NCOA7: variants seen among roughly 807,000 people sequenced by gnomAD.
NCOA7 encodes 140 kDa estrogen receptor-associated protein.
In NCOA7, 45 loss-of-function variants were observed where a neutral mutation model predicts 104.3. The observed-to-expected ratio is 0.43, with a 90% CI of 0.34 to 0.55. NCOA7 has a LOEUF of 0.55. Among genes scored for constraint, NCOA7 ranks in the 20% least tolerant of loss-of-function variants. The pLI is 0.02. For synonymous variants in NCOA7, 398 were observed against 402.3 expected, an observed-to-expected ratio of 0.99 and a Z score of 0.13; for missense variants, 1,041 against 1,119.7, an observed-to-expected ratio of 0.93 and a Z score of 1.00.
At chr6:125,832,597 G>A (rs1016957893) in intron 2 of NCOA7, among the ~76,000 whole-genome samples, 2 of 152,232 alleles carry the variant, frequency 1.3e-5, no homozygotes, top group Non-Finnish European at 2.9e-5. Flanking sequence ...CAAATGATTG[G>A]TTTTAACTAG....
At chr6:125,896,511 C>T (rs1785030082) in intron 10 of NCOA7, among the ~76,000 whole-genome samples, 1 of 152,168 alleles carries the variant, frequency 6.6e-6, no homozygotes, top group Non-Finnish European at 1.5e-5. Context: ...GATTTTATGG[C>T]TGGGCGTGGT....
chr6:125,909,865 AG>A (rs1786367247), intron 10 of NCOA7, among the ~76,000 whole-genome samples: 1 of 152,156 alleles, frequency 6.6e-6, no homozygotes, highest in African/African-American at 2.4e-5. Flanking sequence ...GATTTGAGGG[AG>A]GATTCAAGGA....
chr6:125,896,067 T>C (rs182965697), intron 10 of NCOA7, among the ~76,000 whole-genome samples: 1 of 148,392 alleles, frequency 6.7e-6, no homozygotes, highest in East Asian at 1.9e-4. Flanking sequence ...ACATAATACA[T>C]ATATATATAT....
rs769760599 is a variant in NCOA7 at position 125,815,345 on chromosome 6, A to G, written c.-10A>G. ...CTTTTTCAAATACTTTGCACTTTTG[A>G]TTGTGTATTATGGATACCAAGGAAG... On this transcript the variant is annotated 5_prime_UTR_variant, in exon 2 of 16. Transcript: ENST00000392477. 1.9e-6 allele frequency: 3 copies of G among 1,598,254 alleles called. No individual in the cohort carries two copies. Among genetic ancestry groups the G allele is most frequent in the South Asian group, 1.1e-5 (1 of 86,986 alleles).
At chr6:125,837,920 A>G (rs1479211493) in intron 2 of NCOA7, among the ~76,000 whole-genome samples, 1 of 152,198 alleles carries the variant, frequency 6.6e-6, no homozygotes, top group African/African-American at 2.4e-5. Flanking sequence ...CTGATGCAGA[A>G]CTACTTCATG....
At chr6:125,824,866 C>A (rs1778519685) in intron 2 of NCOA7, among the ~76,000 whole-genome samples, 1 of 152,154 alleles carries the variant, frequency 6.6e-6, no homozygotes, top group South Asian at 2.1e-4. Flanking sequence ...TCACGCCATT[C>A]TCCTGCCTCA....
rs1788292722 is a variant in NCOA7, at chr6:125,929,022, A to G, written c.*251A>G. On this transcript the variant is annotated 3_prime_UTR_variant, in exon 16 of 16. Transcript: ENST00000392477. ...TTGTACTCCCACTTCCTCCAAATCC[A>G]TACAGTGAGGAATCAGAGTGTTTAT... The G allele has an allele frequency of 2.7e-6, 1 of 370,924 alleles. No individual in the cohort carries two copies. Among genetic ancestry groups the G allele is most frequent in the Non-Finnish European group, 4.8e-6 (1 of 208,212 alleles). The allele number at this position is 370,924 out of a possible 1,614,324, so 23.0% of individuals were successfully genotyped here. A position where few individuals can be genotyped will look rare whatever the true frequency, so the allele number is the denominator to read the frequency against.
intron 10 of NCOA7, among the ~76,000 whole-genome samples, chr6:125,903,577 A>G (rs1054803595): frequency 2.6e-5 from 4 of 152,148 alleles, no homozygotes; most frequent in African/African-American, 7.2e-5. Flanking sequence ...CCTACCATCT[A>G]TACTACTGTT....
chr6:125,855,926 T>A (rs1027563309), intron 3 of NCOA7, among the ~76,000 whole-genome samples: 2 of 152,002 alleles, frequency 1.3e-5, no homozygotes, highest in African/African-American at 2.4e-5. Context: ...CTCAGACACT[T>A]GAGAATCTTA....
chr6:125,848,525 T>C (rs1363325626), intron 2 of NCOA7, among the ~76,000 whole-genome samples: 1 of 152,058 alleles, frequency 6.6e-6, no homozygotes, highest in East Asian at 1.9e-4. Context: ...CTGGAAACCA[T>C]CATTCTCAGC....
At chr6:125,920,640 A>C (rs998270750) in intron 11 of NCOA7, among the ~76,000 whole-genome samples, 1 of 152,208 alleles carries the variant, frequency 6.6e-6, no homozygotes, top group Non-Finnish European at 1.5e-5. Context: ...TCCTGGGCTC[A>C]AGCCATCTTC....
intron 10 of NCOA7, among the ~76,000 whole-genome samples, chr6:125,906,125 A>G (rs1047110891): frequency 2.0e-5 from 3 of 152,138 alleles, no homozygotes; most frequent in Admixed American, 6.5e-5. Context: ...GGGAATGGAA[A>G]GGTCGCAAGG....
At chr6:125,881,460 A>G (rs933019791) in intron 6 of NCOA7, among the ~76,000 whole-genome samples, 22 of 152,098 alleles carry the variant, frequency 1.4e-4, no homozygotes, top group African/African-American at 5.3e-4. Flanking sequence ...GCCTGAGCCC[A>G]GGAGTTTGAG....
chr6:125,822,677 G>C (rs1319969837), intron 2 of NCOA7, among the ~76,000 whole-genome samples: 1 of 152,162 alleles, frequency 6.6e-6, no homozygotes, highest in East Asian at 1.9e-4. Context: ...GCCCATGCCT[G>C]TAGTCCCAGC....
At chr6:125,896,982 G>T (rs1785073424) in intron 10 of NCOA7, among the ~76,000 whole-genome samples, 1 of 152,168 alleles carries the variant, frequency 6.6e-6, no homozygotes, top group South Asian at 2.1e-4. Flanking sequence ...TTATGTATAA[G>T]TTAAATTGAT....
At chr6:125,858,435 A>T (rs1260662237) in intron 3 of NCOA7, among the ~76,000 whole-genome samples, 1 of 152,034 alleles carries the variant, frequency 6.6e-6, no homozygotes, top group African/African-American at 2.4e-5. Flanking sequence ...GGAGGCCAGG[A>T]GTTCAAAGCC....
At chr6:125,869,655 C>T (rs1252939759) in intron 3 of NCOA7, among the ~76,000 whole-genome samples, 1 of 152,212 alleles carries the variant, frequency 6.6e-6, no homozygotes, top group African/African-American at 2.4e-5. Flanking sequence ...GCACGTGAGA[C>T]TACTCAGGCA....
intron 3 of NCOA7, among the ~76,000 whole-genome samples, chr6:125,861,662 T>C (rs1435810520): frequency 6.6e-6 from 1 of 152,104 alleles, no homozygotes; most frequent in Non-Finnish European, 1.5e-5. Context: ...CAAATTAGTG[T>C]TTTCGTGACA....
intron 2 of NCOA7, among the ~76,000 whole-genome samples, chr6:125,823,805 G>C (rs1262087566): frequency 1.3e-5 from 2 of 152,100 alleles, no homozygotes; most frequent in East Asian, 1.9e-4. Context: ...AATCAGTTTA[G>C]TGGATAAGAA....
Sources: allele counts gnomAD v4.1 joint callset (sites outside exome capture counted in the v4.1 genomes callset), GRCh38; gene constraint gnomAD v4.1.1; transcripts MANE v1.5; gene names NCBI Gene and HGNC (gene_info 2026-07-23, HGNC 2026-07-21).